The following EEFSEC variants were observed in gnomAD, a reference collection of about 807,000 sequenced individuals.
EEFSEC encodes the protein selenocysteine-specific elongation factor.
Under a neutral mutation model 42.1 loss-of-function variants are expected in EEFSEC, and 43 were observed. That is an observed-to-expected ratio of 1.02 (90% confidence interval 0.80 to 1.32). The LOEUF (loss-of-function observed/expected upper bound fraction) is 1.32, where lower values mean the gene tolerates loss of function less well. Among genes scored for constraint, EEFSEC ranks in the 40% most tolerant of loss-of-function variants. The probability of loss-of-function intolerance (pLI) is 0.00; values close to 1 mark genes in which losing one functional copy is unlikely to be tolerated. For missense variants in EEFSEC, 745 were observed against 803.6 expected, an observed-to-expected ratio of 0.93 and a Z score of 0.88; for synonymous variants, 354 against 339.1, an observed-to-expected ratio of 1.04 and a Z score of -0.48.
At chr3:128,165,464 C>T (rs965989633) in intron 1 of EEFSEC, among the ~76,000 whole-genome samples, 19 of 152,174 alleles carry the variant, frequency 1.2e-4, no homozygotes, top group African/African-American at 4.6e-4. Context: ...TGATTAGGCT[C>T]CTGCTGCTTT....
chr3:128,380,073 A>G (rs977313881), intron 6 of EEFSEC, among the ~76,000 whole-genome samples: 1 of 152,178 alleles, frequency 6.6e-6, no homozygotes, highest in Non-Finnish European at 1.5e-5. Context: ...GTGGGTGTCT[A>G]CAGCAGGGCC....
intron 6 of EEFSEC, among the ~76,000 whole-genome samples, chr3:128,361,745 A>G (rs1334911980): frequency 1.3e-5 from 2 of 152,212 alleles, no homozygotes; most frequent in African/African-American, 4.8e-5. Flanking sequence ...TTTACAAAAC[A>G]TCTCCCTTCA....
intron 5 of EEFSEC, among the ~76,000 whole-genome samples, chr3:128,342,797 G>A (rs2067270442): frequency 6.6e-6 from 1 of 152,220 alleles, no homozygotes; most frequent in Admixed American, 6.5e-5. Flanking sequence ...GAACACGGTG[G>A]TCTCCCCCAA....
chr3:128,362,581 T>C lies in EEFSEC; in HGVS notation c.1600+4208T>C, dbSNP rs72977342. Among the ~76,000 whole-genome samples the C allele has an allele frequency of 4.2e-3, 638 of 152,360 alleles. 6 individuals are homozygous for C. Among genetic ancestry groups the C allele is most frequent in the Middle Eastern group, 0.02 (6 of 294 alleles). ...TCCTGAACCAGCTGATTTGGGACAG[T>C]TCATGTGTGTGTCTGCTTTAGCATT... is the stretch of plus-strand genomic sequence containing the variant. On this transcript the variant is annotated intron_variant, in intron 6 of 6. Coordinates refer to ENST00000254730, the MANE Select transcript of EEFSEC (RefSeq NM_021937.5).
intron 6 of EEFSEC, among the ~76,000 whole-genome samples, chr3:128,381,381 C>T (rs979544845): frequency 2.6e-5 from 4 of 152,142 alleles, no homozygotes; most frequent in Non-Finnish European, 5.9e-5. Flanking sequence ...GGATGATTGC[C>T]GATTGCTAGA....
intron 4 of EEFSEC, among the ~76,000 whole-genome samples, chr3:128,267,630 C>G (rs2811539): frequency 0.84 from 127,781 of 152,138 alleles, 54,137 homozygotes; most frequent in East Asian, 0.99. Flanking sequence ...TTGATGATTT[C>G]GGAGGTTCTC....
rs145351532 is a variant in EEFSEC, at chr3:128,368,180, C to A, written c.1600+9807C>A. ...AGTGCAGTGGCTCACACCTGTAATC[C>A]CTATGCCTGGGGAGGCTGAGGCAAG... On this transcript the variant is annotated intron_variant, in intron 6 of 6. Coordinates refer to ENST00000254730, the MANE Select transcript of EEFSEC (RefSeq NM_021937.5). Among the ~76,000 whole-genome samples, 91 of 152,302 alleles carry A rather than the reference C, an allele frequency of 6.0e-4. 1 individual carries two copies. Among genetic ancestry groups the A allele is most frequent in the Non-Finnish European group, 1.1e-3 (74 of 68,022 alleles).
chr3:128,205,329 G>A (rs889976337), intron 1 of EEFSEC, among the ~76,000 whole-genome samples: 1 of 152,136 alleles, frequency 6.6e-6, no homozygotes, highest in Non-Finnish European at 1.5e-5. Context: ...AAACACAGAA[G>A]CCCCCTTTTC....
chr3:128,262,965 C>T (rs970808197), intron 3 of EEFSEC, among the ~76,000 whole-genome samples: 1 of 152,170 alleles, frequency 6.6e-6, no homozygotes, highest in Non-Finnish European at 1.5e-5. Flanking sequence ...GCTCCACCAC[C>T]ACTCTCTCTG....
chr3:128,241,534 G>A (rs1235941362), intron 1 of EEFSEC, among the ~76,000 whole-genome samples: 2 of 151,856 alleles, frequency 1.3e-5, no homozygotes, highest in East Asian at 1.9e-4. Flanking sequence ...TTGTAGAGAC[G>A]GGGTTTCACT....
chr3:128,407,476 G>A (rs2068130989), intron 6 of EEFSEC, among the ~76,000 whole-genome samples: 1 of 152,172 alleles, frequency 6.6e-6, no homozygotes, highest in Non-Finnish European at 1.5e-5. Flanking sequence ...GCGGGTGGTG[G>A]TTCCTGGGAC....
intron 4 of EEFSEC, among the ~76,000 whole-genome samples, chr3:128,308,356 G>T (rs1405786829): frequency 6.6e-6 from 1 of 152,228 alleles, no homozygotes; most frequent in Non-Finnish European, 1.5e-5. Context: ...TGTGTCAGGG[G>T]AGGGGGAATT....
At chr3:128,284,338 T>C (rs760501646) in intron 4 of EEFSEC, among the ~76,000 whole-genome samples, 55 of 152,236 alleles carry the variant, frequency 3.6e-4, no homozygotes, top group Non-Finnish European at 5.1e-4. Flanking sequence ...CTTGTCTTGA[T>C]GAACCAGTTG....
intron 4 of EEFSEC, among the ~76,000 whole-genome samples, chr3:128,269,560 G>A (rs1045569418): frequency 3.3e-5 from 5 of 152,274 alleles, no homozygotes; most frequent in East Asian, 1.9e-4. Flanking sequence ...ACATCTGACC[G>A]CTTGAACTCC....
At chr3:128,276,238 G>T (rs1045042159) in intron 4 of EEFSEC, among the ~76,000 whole-genome samples, 1 of 152,196 alleles carries the variant, frequency 6.6e-6, no homozygotes, top group Non-Finnish European at 1.5e-5. Flanking sequence ...CACTCAGCTG[G>T]GGGTTAGGGC....
At chr3:128,291,187 GA>G (rs1388440808) in intron 4 of EEFSEC, among the ~76,000 whole-genome samples, 1 of 151,672 alleles carries the variant, frequency 6.6e-6, no homozygotes, top group African/African-American at 2.4e-5. Flanking sequence ...TGACACTGTT[GA>G]AAATATTTTT....
intron 1 of EEFSEC, among the ~76,000 whole-genome samples, chr3:128,229,174 G>A (rs2065936030): frequency 6.6e-6 from 1 of 152,180 alleles, no homozygotes. Flanking sequence ...TATGAAGTAG[G>A]CCCTGTTTTT....
In EEFSEC at chr3:128,381,707, G is replaced by A. The variant is rs540763752; in HGVS notation, c.1600+23334G>A. On this transcript the variant is annotated intron_variant, in intron 6 of 6. Coordinates refer to ENST00000254730, the MANE Select transcript of EEFSEC (RefSeq NM_021937.5). ...ATAAGCTTCTGTGCAGCTGCGTGCC[G>A]TGGAGGAAGAGGGCAGGTCTGACAC... Among the ~76,000 whole-genome samples, 27 of 152,318 alleles carry A rather than the reference G, an allele frequency of 1.8e-4. No homozygotes were observed. In the South Asian group the frequency reaches 1.9e-3, roughly 11 times the overall value.
chr3:128,326,717 T>A (rs2067067555), intron 4 of EEFSEC, among the ~76,000 whole-genome samples: 1 of 152,236 alleles, frequency 6.6e-6, no homozygotes, highest in African/African-American at 2.4e-5. Context: ...TGGAACTGGA[T>A]TCTATTACAT....
Sources: allele counts gnomAD v4.1 joint callset (sites outside exome capture counted in the v4.1 genomes callset), GRCh38; gene constraint gnomAD v4.1.1; transcripts MANE v1.5; gene names NCBI Gene and HGNC (gene_info 2026-07-23, HGNC 2026-07-21).